Variants in R3HDM2 observed in about 807,000 individuals in gnomAD.
R3HDM2 encodes the protein R3H domain-containing protein 2.
Under a neutral mutation model 124.5 loss-of-function variants are expected in R3HDM2, and 38 were observed. The observed-to-expected ratio is 0.31, with a 90% CI of 0.24 to 0.40. R3HDM2 has a LOEUF of 0.40. R3HDM2 is among the 10% of genes least tolerant of loss of function. The pLI is 1.00. For missense variants in R3HDM2, 869 were observed against 1,236.9 expected (o/e 0.70, Z 4.46); for synonymous variants, 391 against 448.0 (o/e 0.87, Z 1.61).
At chr12:57,298,199 T>C in intron 6 of R3HDM2, 31 bp from the exon 7 acceptor site, 2 of 1,450,106 alleles carry the variant, frequency 1.4e-6, no homozygotes, top group Non-Finnish European at 1.9e-6. Context: ...GAAATTAAAA[T>C]ACATGAAACT....
At chr12:57,397,297 T>A (rs1338838032) in intron 1 of R3HDM2, among the ~76,000 whole-genome samples, 2 of 152,154 alleles carry the variant, frequency 1.3e-5, no homozygotes, top group African/African-American at 4.8e-5. Flanking sequence ...GGCTGTTTAA[T>A]CTATTTCAGG....
intron 2 of R3HDM2, among the ~76,000 whole-genome samples, chr12:57,368,290 C>G (rs866633460): frequency 6.6e-6 from 1 of 152,074 alleles, no homozygotes; most frequent in Non-Finnish European, 1.5e-5. Context: ...CCAAACTAGT[C>G]CCCTTCCCCT....
intron 20 of R3HDM2, among the ~76,000 whole-genome samples, chr12:57,258,561 C>T (rs906845433): frequency 6.6e-6 from 1 of 151,994 alleles, no homozygotes; most frequent in Non-Finnish European, 1.5e-5. Context: ...GTCTCAAACT[C>T]CTGACCTCAA....
intron 3 of R3HDM2, 112 bp downstream of exon 3, chr12:57,310,152 G>A (rs7139302): frequency 0.43 from 293,288 of 681,052 alleles, 67,423 homozygotes; most frequent in Middle Eastern, 0.66. Context: ...TGAGGGTGCA[G>A]TGGGCCCTAA....
chr12:57,355,992 T>C (rs538481102), intron 2 of R3HDM2, among the ~76,000 whole-genome samples: 61 of 152,344 alleles, frequency 4.0e-4, no homozygotes, highest in Non-Finnish European at 6.6e-4. Flanking sequence ...TCTACATACA[T>C]GATGCTATCC....
chr12:57,330,017 A>G (rs2057908489), intron 2 of R3HDM2, among the ~76,000 whole-genome samples: 1 of 152,154 alleles, frequency 6.6e-6, no homozygotes, highest in Non-Finnish European at 1.5e-5. Context: ...CTTATTGCCC[A>G]GGCTGGAGGT....
chr12:57,398,859 T>C lies in R3HDM2; in HGVS notation c.-105-3041A>G, dbSNP rs975657106. ...ATGGCAGTCATATCTGGCAGTTAAC[T>C]GTTCTCTGCCTCTGTGGGGCCCAAA... On this transcript the variant is annotated intron_variant, in intron 1 of 23. Transcript: ENST00000402412. Among the ~76,000 whole-genome samples, 4 of 152,356 alleles carry C rather than the reference T, an allele frequency of 2.6e-5. No individual in the cohort carries two copies. The East Asian group carries it at 7.7e-4, about 29-fold the overall frequency.
At chr12:57,304,548 T>C in intron 3 of R3HDM2, 1 of 978,274 alleles carries the variant, frequency 1.0e-6, no homozygotes, top group Non-Finnish European at 1.2e-6. Context: ...ACGGCCACAA[T>C]GCAAAATGGA....
intron 2 of R3HDM2, among the ~76,000 whole-genome samples, chr12:57,331,806 TG>T (rs1240953676): frequency 6.6e-6 from 1 of 151,584 alleles, no homozygotes; most frequent in East Asian, 1.9e-4. Context: ...ACCAGCTACT[TG>T]GGAGGCTGAG....
chr12:57,421,719 A>G (rs1594654171), intron 1 of R3HDM2, among the ~76,000 whole-genome samples: 1 of 150,384 alleles, frequency 6.6e-6, no homozygotes, highest in Admixed American at 6.6e-5. Flanking sequence ...AAGTTGCCCC[A>G]GGCTAGTCTC....
chr12:57,317,514 A>G (rs1217181277), intron 2 of R3HDM2, among the ~76,000 whole-genome samples: 1 of 151,966 alleles, frequency 6.6e-6, no homozygotes, highest in African/African-American at 2.4e-5. Flanking sequence ...CTGTGATTAG[A>G]CAATAGTCAA....
intron 2 of R3HDM2, among the ~76,000 whole-genome samples, chr12:57,363,713 AT>A (rs879541642): frequency 5.3e-5 from 8 of 152,118 alleles, no homozygotes; most frequent in Admixed American, 5.2e-4. Flanking sequence ...TATTATGTCA[AT>A]TTTTTAAAAA....
intron 2 of R3HDM2, among the ~76,000 whole-genome samples, chr12:57,349,445 G>A (rs1320919341): frequency 4.1e-5 from 6 of 145,022 alleles, no homozygotes; most frequent in Non-Finnish European, 7.5e-5. Context: ...ATTTCTTACT[G>A]TTGGCAACTA....
chr12:57,371,828 C>T (rs370963101), intron 2 of R3HDM2, among the ~76,000 whole-genome samples: 4 of 152,154 alleles, frequency 2.6e-5, no homozygotes, highest in African/African-American at 7.2e-5. Flanking sequence ...TCCAAAAGTC[C>T]GAATGATTTT....
chr12:57,316,076 AAC>A (rs2054951831), intron 2 of R3HDM2, among the ~76,000 whole-genome samples: 1 of 152,242 alleles, frequency 6.6e-6, no homozygotes, highest in African/African-American at 2.4e-5. Context: ...CAGCCTGCGC[AAC>A]AGAGTGAAAC....
At chr12:57,386,211 G>A (rs2065735734) in intron 2 of R3HDM2, among the ~76,000 whole-genome samples, 4 of 152,318 alleles carry the variant, frequency 2.6e-5, no homozygotes, top group Admixed American at 2.0e-4. Flanking sequence ...CACTTTGGCG[G>A]CACTTGAGGA....
chr12:57,341,545 A>C, intron 2 of R3HDM2: 1 of 314,156 alleles, frequency 3.2e-6, no homozygotes, highest in Non-Finnish European at 4.6e-6. Flanking sequence ...AATTATAAGA[A>C]AAAGTAATAC....
chr12:57,323,719 CT>C (rs1175085558), intron 2 of R3HDM2, among the ~76,000 whole-genome samples: 2 of 152,184 alleles, frequency 1.3e-5, no homozygotes, highest in African/African-American at 4.8e-5. Context: ...ACTGTAGGTG[CT>C]TTGATCAATG....
chr12:57,321,639 G>A lies in R3HDM2; in HGVS notation c.-35-11176C>T, dbSNP rs371120890. On this transcript the variant is annotated intron_variant, in intron 2 of 23. Transcript: ENST00000402412. ...GCACTCCAGGCTGGGCAACAAGAGC[G>A]AAACTCCGTCTTGGAAAATAAAACA... 6.9e-4 allele frequency among the ~76,000 whole-genome samples: 105 copies of A among 151,980 alleles called. 3 individuals carry two copies. In the East Asian group the frequency reaches 0.016, roughly 24 times the overall value.
Sources: allele counts gnomAD v4.1 joint callset (sites outside exome capture counted in the v4.1 genomes callset), GRCh38; gene constraint gnomAD v4.1.1; transcripts MANE v1.5; gene names NCBI Gene and HGNC (gene_info 2026-07-23, HGNC 2026-07-21).